The following PAXBP1 variants were observed in gnomAD, a reference collection of about 807,000 sequenced individuals.
PAXBP1 encodes the protein PAX3 and PAX7 binding protein 1.
A neutral mutation model predicts 119.9 loss-of-function variants in PAXBP1; 44 were observed. That is an observed-to-expected ratio of 0.37 (90% CI 0.29 to 0.47). The LOEUF (loss-of-function observed/expected upper bound fraction) is 0.47. PAXBP1 is among the 20% of genes least tolerant of loss of function. PAXBP1 has a pLI of 0.99. For missense variants in PAXBP1, 898 were observed against 1,134.1 expected, an observed-to-expected ratio of 0.79 and a Z score of 2.99; for synonymous variants, 393 against 406.6, an observed-to-expected ratio of 0.97 and a Z score of 0.40.
chr21:32,771,245 G>A (rs1229779404), intron 1 of PAXBP1, 81 bp downstream of exon 1: 52 of 1,289,352 alleles, frequency 4.0e-5, no homozygotes, highest in Non-Finnish European at 5.2e-5. Flanking sequence ...GGGGCTGGGC[G>A]TCCAGAGAAT....
At chr21:32,751,245 A>G in intron 8 of PAXBP1, 27 bp from the exon 9 acceptor site, 1 of 1,604,520 alleles carries the variant, frequency 6.2e-7, no homozygotes, top group Non-Finnish European at 8.5e-7. Context: ...GTTAAAATTA[A>G]AAGCCATCTT....
intron 2 of PAXBP1, among the ~76,000 whole-genome samples, chr21:32,769,541 G>T (rs1220383308): frequency 1.3e-5 from 2 of 152,204 alleles, no homozygotes; most frequent in African/African-American, 4.8e-5. Flanking sequence ...TTCTTTCTCT[G>T]TTCAACAGCA....
intron 6 of PAXBP1, 124 bp from the exon 7 acceptor site, chr21:32,759,393 A>G (rs540377462): frequency 1.1e-4 from 109 of 1,007,232 alleles, no homozygotes; most frequent in Non-Finnish European, 1.4e-4. Context: ...TTGGAATGGC[A>G]TCTTTTCCTC....
At chr21:32,743,381 G>T in intron 14 of PAXBP1, 67 bp from the exon 15 acceptor site, 1 of 1,090,072 alleles carries the variant, frequency 9.2e-7, no homozygotes, top group Non-Finnish European at 1.3e-6. Context: ...ATGATTCCTG[G>T]ACAAAAGATT....
At chr21:32,768,123 T>C (rs1425114141) in intron 2 of PAXBP1, among the ~76,000 whole-genome samples, 5 of 152,208 alleles carry the variant, frequency 3.3e-5, no homozygotes, top group African/African-American at 1.2e-4. Flanking sequence ...GGCCCTTAAA[T>C]GGCAGTTACA....
At chr21:32,743,444 T>C (rs1328501713) in intron 14 of PAXBP1, 130 bp from the exon 15 acceptor site, 1 of 715,174 alleles carries the variant, frequency 1.4e-6, no homozygotes, top group East Asian at 2.8e-5. Context: ...AATAATTGCA[T>C]TCTGGAAGAT....
rs755237844 is a variant in PAXBP1, at chr21:32,771,366, C to T, written c.303G>A (p.Val101=). The stretch of plus-strand genomic sequence containing the variant: ...GGAAGCTGAGCAGGCTGGCCCGGGG[C>T]ACCTCTTTGTTCTCGCGAGGCCTCT... ...PRKRPRENKE[V]PRASLLSFQD... The change falls in exon 1 of 18, where the codon GTG becomes GTA. Residue 101 remains valine, a synonymous_variant. Coordinates refer to ENST00000331923, the MANE Select transcript of PAXBP1 (RefSeq NM_016631.4). 1 of 1,585,072 alleles carries T rather than the reference C, an allele frequency of 6.3e-7. No homozygotes were observed. The highest frequency in any genetic ancestry group is 8.5e-7 in the Non-Finnish European group (1 of 1,173,442).
chr21:32,739,927 C>G (rs537935126), intron 15 of PAXBP1, among the ~76,000 whole-genome samples: 1 of 124,158 alleles, frequency 8.1e-6, no homozygotes, highest in East Asian at 2.4e-4. Context: ...CAACACAAGA[C>G]CTCGTCTCTT....
intron 17 of PAXBP1, 75 bp from the exon 18 acceptor site, chr21:32,735,142 A>G: frequency 1.1e-6 from 1 of 951,560 alleles, no homozygotes; most frequent in Non-Finnish European, 1.6e-6. Flanking sequence ...TTTCATGGCT[A>G]TTTTAGAGCT....
chr21:32,745,732 A>G lies in PAXBP1; in HGVS notation c.1924-14T>C, dbSNP rs760281011. ...ACGACATTTTGCCTAAAAGACATTTAAAAGGTTACCCAAATACTAAAATAG... is the reference window on the plus strand; with the variant it reads ...ACGACATTTTGCCTAAAAGACATTTGAAAGGTTACCCAAATACTAAAATAG... On this transcript the variant is annotated splice_polypyrimidine_tract_variant and intron_variant, in intron 11 of 17. Coordinates refer to ENST00000331923, the MANE Select transcript of PAXBP1 (RefSeq NM_016631.4). 16 of 1,613,268 alleles carry G rather than the reference A, an allele frequency of 9.9e-6. No individual in the cohort carries two copies. In the East Asian group the frequency reaches 1.3e-4, roughly 13 times the overall value.
chr21:32,771,690 C>G lies in PAXBP1; in HGVS notation c.-22G>C, dbSNP rs1347046423. ...ACATCCCCGCGGCCCGCACGGCGGT[C>G]GAATACTCGCTTCCACACCGCGGCC... On this transcript the variant is annotated 5_prime_UTR_variant, in exon 1 of 18. Transcript: ENST00000331923. The G allele has an allele frequency of 4.3e-6, 6 of 1,381,224 alleles. No homozygotes were observed. Among genetic ancestry groups the G allele is most frequent in the African/African-American group, 1.5e-5 (1 of 65,906 alleles). The allele number at this position is 1,381,224 out of a possible 1,614,324, so 85.6% of individuals were successfully genotyped here.
chr21:32,743,636 C>T (rs753639244), intron 14 of PAXBP1, 42 bp downstream of exon 14: 13 of 1,403,946 alleles, frequency 9.3e-6, no homozygotes, highest in South Asian at 2.4e-5. Flanking sequence ...CTCTGAAACA[C>T]AATGGAGAAT....
intron 15 of PAXBP1, among the ~76,000 whole-genome samples, chr21:32,739,937 T>C (rs1398287644): frequency 1.6e-5 from 1 of 62,784 alleles, no homozygotes; most frequent in Non-Finnish European, 3.3e-5. Context: ...CCTCGTCTCT[T>C]TAAAAAAAAA....
intron 3 of PAXBP1, among the ~76,000 whole-genome samples, chr21:32,763,202 G>A (rs2044179853): frequency 1.3e-5 from 2 of 152,128 alleles, no homozygotes; most frequent in African/African-American, 4.8e-5. Context: ...CTGACCTTTT[G>A]AGTATAGCAA....
chr21:32,751,558 A>T (rs1489716194), intron 8 of PAXBP1: 1 of 176,038 alleles, frequency 5.7e-6, no homozygotes, highest in Non-Finnish European at 1.2e-5. Flanking sequence ...ACTCTAAATT[A>T]CCTGTGCAAA....
intron 17 of PAXBP1, among the ~76,000 whole-genome samples, 199 bp from the exon 18 acceptor site, chr21:32,735,266 T>A (rs1365219684): frequency 6.6e-6 from 1 of 151,694 alleles, no homozygotes; most frequent in Non-Finnish European, 1.5e-5. Context: ...AAAACTTACA[T>A]ATGTTTAAAT....
intron 2 of PAXBP1, among the ~76,000 whole-genome samples, chr21:32,766,038 G>A (rs1307094893): frequency 3.1e-4 from 47 of 152,168 alleles, no homozygotes. Flanking sequence ...AGGAGGCTGA[G>A]GCAGGAGAAT....
chr21:32,745,894 G>A (rs2043864716), intron 11 of PAXBP1, among the ~76,000 whole-genome samples, 176 bp from the exon 12 acceptor site: 1 of 152,130 alleles, frequency 6.6e-6, no homozygotes, highest in Admixed American at 6.6e-5. Context: ...AACCAAAACA[G>A]CATGGTACTG....
chr21:32,750,819 TGC>T (rs1183066982), intron 10 of PAXBP1, 96 bp downstream of exon 10: 7 of 869,332 alleles, frequency 8.1e-6, no homozygotes, highest in Non-Finnish European at 1.1e-5. Context: ...CTGGTTCTAA[TGC>T]AGAGACCATG....
Sources: allele counts gnomAD v4.1 joint callset (sites outside exome capture counted in the v4.1 genomes callset), GRCh38; gene constraint gnomAD v4.1.1; transcripts MANE v1.5; gene names NCBI Gene and HGNC (gene_info 2026-07-23, HGNC 2026-07-21).